The following TM9SF4 variants were observed in gnomAD, a reference collection of about 807,000 sequenced individuals.
TM9SF4 encodes the protein transmembrane 9 superfamily member 4.
A neutral mutation model predicts 90.4 loss-of-function variants in TM9SF4; 26 were observed. That is an observed-to-expected ratio of 0.29 (90% CI 0.21 to 0.40). TM9SF4 has a LOEUF of 0.40. Among genes scored for constraint, TM9SF4 ranks in the 10% least tolerant of loss-of-function variants. The pLI, the probability that TM9SF4 is intolerant of heterozygous loss-of-function variation, is 1.00. For synonymous variants in TM9SF4, 293 were observed against 315.4 expected (o/e 0.93, Z 0.75); for missense variants, 549 against 834.8 (o/e 0.66, Z 4.22).
intron 1 of TM9SF4, among the ~76,000 whole-genome samples, chr20:32,126,185 C>T (rs1186951839): frequency 6.6e-6 from 1 of 151,976 alleles, no homozygotes; most frequent in East Asian, 1.9e-4. Flanking sequence ...CCTCACTGCA[C>T]TGAGAACAAA....
chr20:32,142,741 A>G (rs2122411231), intron 5 of TM9SF4, among the ~76,000 whole-genome samples: 1 of 152,294 alleles, frequency 6.6e-6, no homozygotes, highest in African/African-American at 2.4e-5. Flanking sequence ...GACTTAGATG[A>G]TTACACCCAG....
At chr20:32,145,550 G>C in intron 8 of TM9SF4, 127 bp downstream of exon 8, 1 of 754,044 alleles carries the variant, frequency 1.3e-6, no homozygotes, top group Non-Finnish European at 2.2e-6. Flanking sequence ...CAGACATCAG[G>C]GCTCTGCTAA....
rs73906753 is a variant in TM9SF4 at position 32,143,198 on chromosome 20, C to T, written c.652+93C>T. On this transcript the variant is annotated intron_variant, in intron 6 of 17. Coordinates refer to ENST00000398022, the MANE Select transcript of TM9SF4 (RefSeq NM_014742.4). ...GCACTCTTCTCCCTCCTGAGCTGGC[C>T]GATGGGCTCGGGTGTGGCGTGTGGG... 4,267 of 1,488,650 alleles carry T rather than the reference C, an allele frequency of 2.9e-3. 106 individuals carry two copies. In the African/African-American group the frequency reaches 0.051, roughly 18 times the overall value. 92.2% of individuals were successfully genotyped at this position (1,488,650 alleles called of 1,614,324 possible). A position where few individuals can be genotyped will look rare whatever the true frequency, so the allele number is the denominator to read the frequency against.
chr20:32,142,175 A>G (rs920693739), intron 5 of TM9SF4, among the ~76,000 whole-genome samples: 12 of 151,930 alleles, frequency 7.9e-5, no homozygotes, highest in African/African-American at 2.9e-4. Flanking sequence ...AGAGAGGGCT[A>G]AGTAGTGGTC....
intron 1 of TM9SF4, among the ~76,000 whole-genome samples, chr20:32,117,096 C>G (rs529376411): frequency 7.9e-4 from 120 of 151,408 alleles, no homozygotes; most frequent in Middle Eastern, 3.4e-3. Context: ...TGGTGGCAGG[C>G]ACCTGTCATC....
chr20:32,163,269 ATATATATATAT>A (rs1296567531), intron 17 of TM9SF4, among the ~76,000 whole-genome samples: 2 of 66,974 alleles, frequency 3.0e-5, no homozygotes, highest in Admixed American at 2.0e-4. Flanking sequence ...AAAAAAAAAA[ATATATATATAT>A]ATATATATAT....
At chr20:32,136,224 C>T (rs2046592780) in intron 3 of TM9SF4, 51 bp downstream of exon 3, 1 of 1,542,560 alleles carries the variant, frequency 6.5e-7, no homozygotes, top group Admixed American at 1.7e-5. Flanking sequence ...GGGAACCCAG[C>T]ATGATTTTTA....
chr20:32,158,710 C>T (rs528112734), intron 15 of TM9SF4, among the ~76,000 whole-genome samples, 196 bp downstream of exon 15: 6 of 152,128 alleles, frequency 3.9e-5, no homozygotes, highest in Non-Finnish European at 7.3e-5. Context: ...AGGCTGGGCG[C>T]GGTGGCTCAC....
chr20:32,163,343 C>T lies in TM9SF4; in HGVS notation c.1780-1952C>T, dbSNP rs1004900498. Among the ~76,000 whole-genome samples the T allele has an allele frequency of 2.7e-5, 4 of 147,010 alleles. No individual in the cohort carries two copies. The East Asian group carries it at 7.9e-4, about 29-fold the overall frequency. On this transcript the variant is annotated intron_variant, in intron 17 of 17. Coordinates refer to ENST00000398022, the MANE Select transcript of TM9SF4 (RefSeq NM_014742.4). ...CATACATACCAGGGCTCTGTGCCCA[C>T]GCCTTAGCCCTGTGTATCTTTTTTT... is the stretch of plus-strand genomic sequence containing the variant.
chr20:32,117,785 TCCTTGATATGCTG>T (rs1287946925), intron 1 of TM9SF4, among the ~76,000 whole-genome samples: 3 of 152,334 alleles, frequency 2.0e-5, no homozygotes, highest in Non-Finnish European at 4.4e-5. Flanking sequence ...ATCACCTTGT[TCCTTGATATGCTG>T]CCTTTGAGGT....
intron 1 of TM9SF4, among the ~76,000 whole-genome samples, chr20:32,123,232 A>G (rs1333702447): frequency 2.4e-4 from 10 of 42,186 alleles, no homozygotes; most frequent in South Asian, 1.2e-3. Context: ...GGAGAGGGAG[A>G]GGGAGAGGCT....
rs1375937828 is a variant in TM9SF4, at chr20:32,141,779, C to T, written c.412C>T (p.Leu138=). Residue 138 remains leucine (L), a synonymous_variant, in exon 5 of 18, where the codon CTG becomes TTG. Coordinates refer to ENST00000398022, the MANE Select transcript of TM9SF4 (RefSeq NM_014742.4). The part of the protein sequence containing the change: ...DYYVHLIADN[L]PVATRLELYS... ...TTCACTTTCCAGCATTGCTGACAACCTGCCTGTGGCCACCCGGCTGGAGCT... is the reference window on the plus strand; with the variant it reads ...TTCACTTTCCAGCATTGCTGACAACTTGCCTGTGGCCACCCGGCTGGAGCT... 2.5e-6 allele frequency: 4 copies of T among 1,614,180 alleles called. No individual in the cohort carries two copies. The highest frequency in any genetic ancestry group is 3.4e-6 in the Non-Finnish European group (4 of 1,180,028).
At chr20:32,134,589 C>T (rs1237913854) in intron 2 of TM9SF4, among the ~76,000 whole-genome samples, 3 of 152,054 alleles carry the variant, frequency 2.0e-5, no homozygotes, top group African/African-American at 4.8e-5. Context: ...AAATAGTTAT[C>T]GAATATGAGG....
intron 12 of TM9SF4, among the ~76,000 whole-genome samples, chr20:32,153,963 G>A (rs564411035): frequency 2.0e-5 from 3 of 152,064 alleles, no homozygotes; most frequent in Admixed American, 1.3e-4. Flanking sequence ...CTTTAACATC[G>A]CCAGGCCTCA....
intron 6 of TM9SF4, among the ~76,000 whole-genome samples, chr20:32,144,887 A>G (rs1215161525): frequency 6.6e-6 from 1 of 152,194 alleles, no homozygotes; most frequent in African/African-American, 2.4e-5. Flanking sequence ...TCTGCGTGAC[A>G]GGGCAAAACT....
At position 32,109,779 on chromosome 20, in the gene TM9SF4, C is replaced by G. The variant is rs1024148472; in HGVS notation, c.15+24C>G. On this transcript the variant is annotated intron_variant, in intron 1 of 17. Transcript: ENST00000398022. ...TGGTGAGTGAAGGAGACTCCGGGAG[C>G]GGGAGCTGGAGCGGGGCCCTCCGGG... 8 of 1,551,348 alleles carry G rather than the reference C, an allele frequency of 5.2e-6. No homozygotes were observed. The East Asian group carries it at 1.5e-4, about 28-fold the overall frequency.
At chr20:32,150,185 A>G (rs531819500) in intron 10 of TM9SF4, among the ~76,000 whole-genome samples, 16 of 152,332 alleles carry the variant, frequency 1.1e-4, no homozygotes, top group African/African-American at 3.8e-4. Flanking sequence ...TTTACATCTC[A>G]GCCTCATGCC....
chr20:32,122,976 G>C (rs1388612352), intron 1 of TM9SF4, among the ~76,000 whole-genome samples: 1 of 151,572 alleles, frequency 6.6e-6, no homozygotes, highest in Non-Finnish European at 1.5e-5. Flanking sequence ...AGACCAGCCC[G>C]GCCAACACAG....
chr20:32,119,807 T>C (rs2046278487), intron 1 of TM9SF4, among the ~76,000 whole-genome samples: 1 of 152,208 alleles, frequency 6.6e-6, no homozygotes, highest in African/African-American at 2.4e-5. Flanking sequence ...TTTAGCTTTT[T>C]TGTTTAGTTC....
Sources: allele counts gnomAD v4.1 joint callset (sites outside exome capture counted in the v4.1 genomes callset), GRCh38; gene constraint gnomAD v4.1.1; transcripts MANE v1.5; gene names NCBI Gene and HGNC (gene_info 2026-07-23, HGNC 2026-07-21).